The following KLHL1 variants were observed in gnomAD, a reference collection of about 807,000 sequenced individuals.
The protein encoded by KLHL1 is kelch like family member 1, also known as kelch-like protein 1.
In KLHL1, 47 loss-of-function variants were observed where a neutral mutation model predicts 77.7. The ratio of observed to expected loss-of-function variants is 0.60; its 90% confidence interval spans 0.48 to 0.77. The LOEUF (loss-of-function observed/expected upper bound fraction) is 0.77. Ranked by LOEUF, KLHL1 falls within the 30% of genes least tolerant of loss-of-function variation. The pLI is 0.00. For missense variants in KLHL1, 925 were observed against 910.8 expected (o/e 1.02, Z -0.20); for synonymous variants, 360 against 325.2 (o/e 1.11, Z -1.15).
At chr13:70,028,215 C>T (rs1306475434) in intron 1 of KLHL1, among the ~76,000 whole-genome samples, 2 of 151,988 alleles carry the variant, frequency 1.3e-5, no homozygotes, top group Non-Finnish European at 2.9e-5. Flanking sequence ...AGATGTAATA[C>T]CTTTGTTAAG....
chr13:69,773,946 A>G (rs1288464889), intron 7 of KLHL1, among the ~76,000 whole-genome samples: 1 of 151,686 alleles, frequency 6.6e-6, no homozygotes, highest in African/African-American at 2.4e-5. Flanking sequence ...GTTGAGCTTA[A>G]ATTATCTGTA....
intron 5 of KLHL1, among the ~76,000 whole-genome samples, chr13:69,875,526 C>T (rs1466826699): frequency 6.6e-6 from 1 of 152,134 alleles, no homozygotes; most frequent in Admixed American, 6.5e-5. Context: ...TAAAGACTTT[C>T]AGATTATGTT....
At chr13:70,015,582 ATTT>A (rs979112495) in intron 1 of KLHL1, among the ~76,000 whole-genome samples, 1 of 152,144 alleles carries the variant, frequency 6.6e-6, no homozygotes, top group African/African-American at 2.4e-5. Flanking sequence ...TCCGTTTTTC[ATTT>A]TTATTATAGT....
intron 8 of KLHL1, among the ~76,000 whole-genome samples, chr13:69,730,038 G>A (rs1282643698): frequency 5.3e-5 from 8 of 151,992 alleles, no homozygotes; most frequent in Non-Finnish European, 7.4e-5. Context: ...ATTTAAAAGC[G>A]ACAGTAGAAG....
chr13:69,924,450 C>T (rs1357775596), intron 4 of KLHL1, among the ~76,000 whole-genome samples: 2 of 152,196 alleles, frequency 1.3e-5, no homozygotes, highest in African/African-American at 4.8e-5. Context: ...CAGAAAGGAG[C>T]TACTCACTCC....
intron 10 of KLHL1, among the ~76,000 whole-genome samples, chr13:69,705,526 G>A (rs1875584785): frequency 6.6e-6 from 1 of 151,644 alleles, no homozygotes; most frequent in Non-Finnish European, 1.5e-5. Flanking sequence ...CATATGGAGT[G>A]AAAGTGACAG....
At chr13:69,946,400 G>C (rs1883526186) in intron 3 of KLHL1, among the ~76,000 whole-genome samples, 1 of 152,100 alleles carries the variant, frequency 6.6e-6, no homozygotes, top group Non-Finnish European at 1.5e-5. Context: ...TAAATGATTT[G>C]AGTTGACAAG....
chr13:70,054,364 T>A (rs552065684), intron 1 of KLHL1, among the ~76,000 whole-genome samples: 111 of 152,248 alleles, frequency 7.3e-4, no homozygotes, highest in African/African-American at 2.6e-3. Context: ...CAGTATACAC[T>A]ATTATGTTTC....
chr13:70,046,286 G>T (rs1886493785), intron 1 of KLHL1, among the ~76,000 whole-genome samples: 1 of 152,098 alleles, frequency 6.6e-6, no homozygotes, highest in Admixed American at 6.5e-5. Flanking sequence ...GGCCAATTTT[G>T]GGATGGCATA....
chr13:70,096,248 A>T (rs1887785916), intron 1 of KLHL1, among the ~76,000 whole-genome samples: 1 of 151,906 alleles, frequency 6.6e-6, no homozygotes, highest in Admixed American at 6.6e-5. Flanking sequence ...TTCTATTTTT[A>T]GTTTTCTGAG....
intron 1 of KLHL1, among the ~76,000 whole-genome samples, chr13:70,100,751 A>G (rs1485358344): frequency 1.3e-5 from 2 of 152,228 alleles, no homozygotes; most frequent in African/African-American, 4.8e-5. Context: ...TCTTAAATGA[A>G]GAAAAGTAAA....
In KLHL1 at chr13:69,718,198, C is replaced by T. The variant is rs150023311; in HGVS notation, c.2015+1171G>A. ...AAGGAAAATTTTTCTGCTGTCAGTGCTATCAGCTAAACATCTCGCTTTTCT... is the reference window on the plus strand; with the variant it reads ...AAGGAAAATTTTTCTGCTGTCAGTGTTATCAGCTAAACATCTCGCTTTTCT... On this transcript the variant is annotated intron_variant, in intron 9 of 10. Transcript: ENST00000377844. Among the ~76,000 whole-genome samples the T allele has an allele frequency of 1.3e-3, 191 of 152,208 alleles. 1 individual carries two copies. The highest frequency in any genetic ancestry group is 3.8e-3 in the African/African-American group (158 of 41,546).
intron 6 of KLHL1, among the ~76,000 whole-genome samples, chr13:69,837,109 A>G (rs1879026095): frequency 6.6e-6 from 1 of 151,892 alleles, no homozygotes. Context: ...ACTCTGTATA[A>G]CTTGGTAATA....
intron 1 of KLHL1, among the ~76,000 whole-genome samples, chr13:70,090,911 A>G (rs978314734): frequency 6.6e-6 from 1 of 152,150 alleles, no homozygotes; most frequent in African/African-American, 2.4e-5. Flanking sequence ...ATATAATATC[A>G]TGAACTTTGG....
chr13:70,042,167 C>T (rs1015467902), intron 1 of KLHL1, among the ~76,000 whole-genome samples: 3 of 151,830 alleles, frequency 2.0e-5, no homozygotes, highest in Non-Finnish European at 4.4e-5. Flanking sequence ...AAAATGAAAC[C>T]AACAGAAAGT....
chr13:69,992,820 T>C (rs558715910), intron 1 of KLHL1, among the ~76,000 whole-genome samples: 1 of 152,010 alleles, frequency 6.6e-6, no homozygotes, highest in South Asian at 2.1e-4. Flanking sequence ...CAAAATAAGA[T>C]ATAAAATGAA....
At chr13:69,761,240 G>A (rs919350810) in intron 7 of KLHL1, among the ~76,000 whole-genome samples, 8 of 152,200 alleles carry the variant, frequency 5.3e-5, no homozygotes, top group African/African-American at 1.9e-4. Flanking sequence ...TAGACAGAAA[G>A]GAAAATGATG....
intron 5 of KLHL1, among the ~76,000 whole-genome samples, chr13:69,841,093 C>T (rs935278001): frequency 8.6e-5 from 13 of 151,594 alleles, no homozygotes; most frequent in African/African-American, 1.7e-4. Context: ...TTGGAACACA[C>T]GTTAGGAATA....
rs778008399 is a variant in KLHL1 at position 69,701,479 on chromosome 13, G to A, written c.*223C>T. On this transcript the variant is annotated 3_prime_UTR_variant, in exon 11 of 11. Coordinates refer to ENST00000377844, the MANE Select transcript of KLHL1 (RefSeq NM_020866.3). ...AAACAAATTACCAATAACCATTCCCGAACTAACTAACATATGGCCAGACAT... is the reference window on the plus strand; with the variant it reads ...AAACAAATTACCAATAACCATTCCCAAACTAACTAACATATGGCCAGACAT... The A allele has an allele frequency of 1.1e-5, 5 of 454,152 alleles. No individual in the cohort carries two copies. The highest frequency in any genetic ancestry group is 6.2e-5 in the African/African-American group (3 of 48,336). 28.1% of individuals were successfully genotyped at this position (454,152 alleles called of 1,614,324 possible).
Sources: gnomAD v4.1 joint callset for allele counts (sites outside exome capture counted in the v4.1 genomes callset) on GRCh38, gnomAD v4.1.1 for gene constraint, MANE v1.5 for transcripts, NCBI Gene and HGNC (gene_info 2026-07-23, HGNC 2026-07-21) for gene names.